Variants in ARHGAP18 observed in about 807,000 individuals in gnomAD.
ARHGAP18 encodes Rho GTPase activating protein 18.
In ARHGAP18, 67 loss-of-function variants were observed where a neutral mutation model predicts 86.2. That is an observed-to-expected ratio of 0.78 (90% CI 0.64 to 0.95). The LOEUF (loss-of-function observed/expected upper bound fraction) is 0.95, where lower values mean the gene tolerates loss of function less well. ARHGAP18 is among the 40% of genes least tolerant of loss of function. The probability of loss-of-function intolerance (pLI) is 0.00; values close to 1 mark genes in which losing one functional copy is unlikely to be tolerated. For synonymous variants in ARHGAP18, 283 were observed against 280.4 expected (o/e 1.01, Z -0.09); for missense variants, 691 against 780.4 (o/e 0.89, Z 1.37).
At chr6:129,690,468 CAT>C (rs1210166414) in intron 1 of ARHGAP18, among the ~76,000 whole-genome samples, 2 of 152,112 alleles carry the variant, frequency 1.3e-5, no homozygotes, top group Non-Finnish European at 2.9e-5. Context: ...TACAATAAAA[CAT>C]AACAATTCAG....
chr6:129,674,853 G>A (rs1290634136), intron 1 of ARHGAP18, among the ~76,000 whole-genome samples: 1 of 152,148 alleles, frequency 6.6e-6, no homozygotes, highest in Non-Finnish European at 1.5e-5. Context: ...TGATGTTTGT[G>A]ACATCAGTTC....
At chr6:129,586,022 G>C (rs1342369021) in intron 12 of ARHGAP18, among the ~76,000 whole-genome samples, 2 of 152,118 alleles carry the variant, frequency 1.3e-5, no homozygotes, top group African/African-American at 2.4e-5. Context: ...TTTTCACTTA[G>C]AACACTTTGG....
chr6:129,684,782 C>A (rs1774398215), intron 1 of ARHGAP18, among the ~76,000 whole-genome samples: 3 of 152,118 alleles, frequency 2.0e-5, no homozygotes, highest in Admixed American at 2.0e-4. Context: ...ATCATGAAAG[C>A]CAAGAAATTT....
At chr6:129,582,994 A>C (rs1261060548) in intron 13 of ARHGAP18, among the ~76,000 whole-genome samples, 1 of 152,174 alleles carries the variant, frequency 6.6e-6, no homozygotes, top group East Asian at 1.9e-4. Flanking sequence ...ACCCTATGGG[A>C]AGGTACTTTA....
At chr6:129,585,129 A>T (rs1462615376) in intron 12 of ARHGAP18, among the ~76,000 whole-genome samples, 1 of 114,424 alleles carries the variant, frequency 8.7e-6, no homozygotes, top group East Asian at 2.5e-4. Context: ...TGTTTGTACT[A>T]AAAATACAAA....
At chr6:129,674,458 C>T (rs918711330) in intron 1 of ARHGAP18, among the ~76,000 whole-genome samples, 1 of 152,226 alleles carries the variant, frequency 6.6e-6, no homozygotes, top group Non-Finnish European at 1.5e-5. Context: ...TATAAACAGT[C>T]AGCTCTCCAC....
chr6:129,645,266 C>G (rs567415187), intron 1 of ARHGAP18, among the ~76,000 whole-genome samples: 1 of 152,280 alleles, frequency 6.6e-6, no homozygotes, highest in South Asian at 2.1e-4. Flanking sequence ...GACTAAAAGT[C>G]TGGACCTTCC....
chr6:129,585,418 G>C (rs1464793845), intron 12 of ARHGAP18, among the ~76,000 whole-genome samples: 2 of 152,122 alleles, frequency 1.3e-5, no homozygotes, highest in Non-Finnish European at 2.9e-5. Context: ...AAAAATGTAG[G>C]TACCCTAAAA....
chr6:129,678,941 G>T (rs559795332), intron 1 of ARHGAP18, among the ~76,000 whole-genome samples: 1 of 152,302 alleles, frequency 6.6e-6, no homozygotes, highest in South Asian at 2.1e-4. Context: ...ACTTTCAGAT[G>T]ATAGGAAATG....
chr6:129,685,592 A>C (rs1309418797), intron 1 of ARHGAP18, among the ~76,000 whole-genome samples: 1 of 146,512 alleles, frequency 6.8e-6, no homozygotes, highest in Non-Finnish European at 1.5e-5. Context: ...AATTGAAGGT[A>C]CTGTATAAAG....
At chr6:129,588,896 G>T (rs1394005587) in intron 12 of ARHGAP18, among the ~76,000 whole-genome samples, 1 of 152,232 alleles carries the variant, frequency 6.6e-6, no homozygotes, top group South Asian at 2.1e-4. Flanking sequence ...AACTTGCCAG[G>T]CTTGGGGTTT....
chr6:129,706,629 G>A (rs1027642448), intron 1 of ARHGAP18, among the ~76,000 whole-genome samples: 2 of 152,210 alleles, frequency 1.3e-5, no homozygotes, highest in African/African-American at 4.8e-5. Context: ...GCTCATGCCT[G>A]TAATCTCGGC....
intron 8 of ARHGAP18, among the ~76,000 whole-genome samples, chr6:129,610,710 C>A (rs375373852): frequency 6.6e-6 from 1 of 152,122 alleles, no homozygotes; most frequent in African/African-American, 2.4e-5. Context: ...TCACTGCAAC[C>A]TCTGCCTCCC....
intron 14 of ARHGAP18, among the ~76,000 whole-genome samples, chr6:129,579,509 T>A (rs1332018954): frequency 6.6e-6 from 1 of 152,166 alleles, no homozygotes. Flanking sequence ...AAGATTATTT[T>A]AAATTTTTAA....
At position 129,658,434 on chromosome 6, in the gene ARHGAP18, A is replaced by C. The variant is rs186624056; in HGVS notation, c.114-16416T>G. Among the ~76,000 whole-genome samples, 572 of 149,948 alleles carry C rather than the reference A, an allele frequency of 3.8e-3. 2 individuals carry two copies. The highest frequency in any genetic ancestry group is 7.2e-3 in the Non-Finnish European group (482 of 67,362). Reference sequence around the variant, plus strand: ...GGCACCTCAAATGGAAAAAAAAAAAACATAAAAGTGATAGAATCCTTAAGC... The same window carrying C: ...GGCACCTCAAATGGAAAAAAAAAAACCATAAAAGTGATAGAATCCTTAAGC... On this transcript the variant is annotated intron_variant, in intron 1 of 14. Coordinates refer to ENST00000368149, the MANE Select transcript of ARHGAP18 (RefSeq NM_033515.3).
chr6:129,582,368 A>G (rs1788306637), intron 13 of ARHGAP18, among the ~76,000 whole-genome samples: 1 of 152,200 alleles, frequency 6.6e-6, no homozygotes, highest in Non-Finnish European at 1.5e-5. Context: ...TAGAGGAACA[A>G]AAGTACAGAC....
At chr6:129,588,829 G>A (rs948950879) in intron 12 of ARHGAP18, among the ~76,000 whole-genome samples, 16 of 152,226 alleles carry the variant, frequency 1.1e-4, no homozygotes, top group African/African-American at 3.6e-4. Context: ...TCTAGGCGGA[G>A]GTTCCCAAAC....
At chr6:129,623,505 G>T (rs1396644353) in intron 5 of ARHGAP18, among the ~76,000 whole-genome samples, 1 of 152,176 alleles carries the variant, frequency 6.6e-6, no homozygotes, top group Non-Finnish European at 1.5e-5. Flanking sequence ...GACAAAGGTT[G>T]CTCGATGCTG....
intron 1 of ARHGAP18, among the ~76,000 whole-genome samples, chr6:129,697,782 C>T (rs573764039): frequency 2.2e-4 from 33 of 152,142 alleles, no homozygotes; most frequent in African/African-American, 7.5e-4. Context: ...AAAAAATTAA[C>T]AACCAATAAT....
Sources: gnomAD v4.1 joint callset for allele counts (sites outside exome capture counted in the v4.1 genomes callset) on GRCh38, gnomAD v4.1.1 for gene constraint, MANE v1.5 for transcripts, NCBI Gene and HGNC (gene_info 2026-07-23, HGNC 2026-07-21) for gene names.